Variants in RAD51B observed in about 807,000 individuals in gnomAD.
RAD51B encodes the protein DNA repair protein RAD51 homolog 2.
Under a neutral mutation model 42.2 loss-of-function variants are expected in RAD51B, and 38 were observed. That is an observed-to-expected ratio of 0.90 (90% CI 0.70 to 1.18). The LOEUF is 1.18. Ranked by LOEUF, RAD51B falls within the 50% of genes most tolerant of loss-of-function variation. The probability of loss-of-function intolerance (pLI) is 0.00; values close to 1 mark genes in which losing one functional copy is unlikely to be tolerated. For synonymous variants in RAD51B, 154 were observed against 145.2 expected, an observed-to-expected ratio of 1.06 and a Z score of -0.43; for missense variants, 373 against 400.7, an observed-to-expected ratio of 0.93 and a Z score of 0.59.
At chr14:68,577,070 G>A (rs1017580705) in intron 10 of RAD51B, among the ~76,000 whole-genome samples, 29 of 152,200 alleles carry the variant, frequency 1.9e-4, no homozygotes, top group African/African-American at 6.8e-4. Flanking sequence ...TGAACAGAAG[G>A]TGCTTACAAG....
intron 10 of RAD51B, among the ~76,000 whole-genome samples, chr14:68,610,500 G>T (rs1891634308): frequency 6.6e-6 from 1 of 152,168 alleles, no homozygotes; most frequent in South Asian, 2.1e-4. Context: ...CCAGGAACAG[G>T]CCTCCCTGTC....
intron 11 of RAD51B, among the ~76,000 whole-genome samples, chr14:68,655,210 T>C: frequency 6.9e-6 from 1 of 145,552 alleles, no homozygotes; most frequent in African/African-American, 2.4e-5. Context: ...GATGGTGATC[T>C]CTCTCTCTCT....
intron 7 of RAD51B, among the ~76,000 whole-genome samples, chr14:68,255,958 A>G (rs1015546582): frequency 1.1e-4 from 17 of 152,224 alleles, no homozygotes; most frequent in African/African-American, 3.6e-4. Context: ...GGAAAAATTA[A>G]TGCCCTGTAA....
intron 9 of RAD51B, among the ~76,000 whole-genome samples, chr14:68,430,748 C>T (rs1473741634): frequency 6.6e-6 from 1 of 152,048 alleles, no homozygotes; most frequent in Non-Finnish European, 1.5e-5. Flanking sequence ...TTATTTCTTT[C>T]TCCTGCCTGA....
At chr14:68,244,519 T>A (rs1050364311) in intron 7 of RAD51B, among the ~76,000 whole-genome samples, 4 of 152,240 alleles carry the variant, frequency 2.6e-5, no homozygotes, top group African/African-American at 9.6e-5. Flanking sequence ...GTGATTCCTC[T>A]GGCCCATAGT....
Position 67,899,291 on chromosome 14 carries a change from T to C in RAD51B, c.756+12087T>C, listed in dbSNP as rs563544869. Among the ~76,000 whole-genome samples the C allele has an allele frequency of 6.4e-3, 972 of 152,016 alleles. 11 individuals are homozygous for C. The highest frequency in any genetic ancestry group is 0.022 in the African/African-American group (922 of 41,464). ...GTCTTGATCTCCTGACCTCGTGATCTGCCCACCTTGGCCTCCCAAAGTGCT... is the reference window on the plus strand; with the variant it reads ...GTCTTGATCTCCTGACCTCGTGATCCGCCCACCTTGGCCTCCCAAAGTGCT... On this transcript the variant is annotated intron_variant, in intron 7 of 10. Transcript: ENST00000471583.
At chr14:68,451,915 T>C (rs532238185) in intron 9 of RAD51B, among the ~76,000 whole-genome samples, 1 of 152,344 alleles carries the variant, frequency 6.6e-6, no homozygotes, top group Non-Finnish European at 1.5e-5. Flanking sequence ...AAGCATGATG[T>C]AACAGGGATG....
chr14:68,246,984 T>C (rs903880781), intron 7 of RAD51B, among the ~76,000 whole-genome samples: 4 of 152,210 alleles, frequency 2.6e-5, no homozygotes, highest in African/African-American at 9.6e-5. Context: ...TTTTCTATCC[T>C]GTGACTGAAG....
chr14:67,864,792 G>T, intron 4 of RAD51B: 1 of 782,744 alleles, frequency 1.3e-6, no homozygotes, highest in Non-Finnish European at 2.1e-6. Flanking sequence ...TCCAAGGATG[G>T]TACATAACTA....
chr14:67,944,662 G>T (rs1339362672), intron 7 of RAD51B, among the ~76,000 whole-genome samples: 1 of 151,972 alleles, frequency 6.6e-6, no homozygotes, highest in African/African-American at 2.4e-5. Context: ...ACTTTTCTAG[G>T]TAAATAAACT....
chr14:67,916,424 T>C (rs1366496258), intron 7 of RAD51B, among the ~76,000 whole-genome samples: 3 of 152,174 alleles, frequency 2.0e-5, no homozygotes, highest in Non-Finnish European at 4.4e-5. Flanking sequence ...GTATTTTTTG[T>C]AGAGACGGGG....
chr14:68,353,720 T>G (rs1278898441), intron 8 of RAD51B, among the ~76,000 whole-genome samples: 1 of 152,190 alleles, frequency 6.6e-6, no homozygotes, highest in Non-Finnish European at 1.5e-5. Flanking sequence ...CCTGAGCCAT[T>G]GTTGTCTGGC....
chr14:68,548,198 T>C lies in RAD51B; in HGVS notation c.1037-46287T>C, dbSNP rs963534550. 9.8e-5 allele frequency among the ~76,000 whole-genome samples: 15 copies of C among 152,304 alleles called. 1 individual carries two copies. The highest frequency in any genetic ancestry group is 9.1e-4 in the Admixed American group (14 of 15,302). ...CCGAGGCTTCCTCACCCACCACCCC[T>C]TCCTCTACCTCCCCTTAGTGCTGGG... On this transcript the variant is annotated intron_variant, in intron 10 of 10. Coordinates refer to the RAD51B transcript ENST00000487270.
At chr14:67,984,317 ATCTG>A (rs2075146955) in intron 7 of RAD51B, among the ~76,000 whole-genome samples, 1 of 152,182 alleles carries the variant, frequency 6.6e-6, no homozygotes, top group Non-Finnish European at 1.5e-5. Context: ...TAATAACTTA[ATCTG>A]TCTTTCTGAA....
At chr14:68,340,736 G>A (rs2082555305) in intron 8 of RAD51B, among the ~76,000 whole-genome samples, 1 of 152,192 alleles carries the variant, frequency 6.6e-6, no homozygotes, top group Non-Finnish European at 1.5e-5. Context: ...AACACTCAGA[G>A]GTTGAAGGGG....
Position 68,477,806 on chromosome 14 carries a change from T to A in RAD51B, c.*142T>A, listed in dbSNP as rs982526535. On this transcript the variant is annotated 3_prime_UTR_variant, in exon 11 of 11. Coordinates refer to ENST00000471583, the MANE Select transcript of RAD51B (RefSeq NM_133510.4). ...GCTGTTGAGATGGTAACAGATTTGCTCCTAAACCATTGAGCTAGCGATTTC... is the reference window on the plus strand; with the variant it reads ...GCTGTTGAGATGGTAACAGATTTGCACCTAAACCATTGAGCTAGCGATTTC... 27 of 1,497,114 alleles carry A rather than the reference T, an allele frequency of 1.8e-5. No individual in the cohort carries two copies. Among genetic ancestry groups the A allele is most frequent in the Non-Finnish European group, 2.0e-5 (22 of 1,125,922 alleles). The allele number at this position is 1,497,114 out of a possible 1,614,324, so 92.7% of individuals were successfully genotyped here.
At chr14:68,553,594 T>C (rs1328126173) in intron 10 of RAD51B, among the ~76,000 whole-genome samples, 1 of 151,730 alleles carries the variant, frequency 6.6e-6, no homozygotes, top group African/African-American at 2.4e-5. Context: ...AACCAAAGGA[T>C]GAAAATTGTT....
chr14:67,985,210 C>T (rs1439157330), intron 7 of RAD51B, among the ~76,000 whole-genome samples: 1 of 152,194 alleles, frequency 6.6e-6, no homozygotes, highest in Non-Finnish European at 1.5e-5. Context: ...CATATCTCCT[C>T]CTTGTCTTCT....
intron 10 of RAD51B, among the ~76,000 whole-genome samples, chr14:68,634,888 A>G (rs1448054353): frequency 6.6e-6 from 1 of 152,178 alleles, no homozygotes; most frequent in Admixed American, 6.5e-5. Context: ...AGAGGAATGC[A>G]TCCTGAATCC....
Sources: allele counts gnomAD v4.1 joint callset (sites outside exome capture counted in the v4.1 genomes callset), GRCh38; gene constraint gnomAD v4.1.1; transcripts MANE v1.5; gene names NCBI Gene and HGNC (gene_info 2026-07-23, HGNC 2026-07-21).